The following PTPRK variants were observed in gnomAD, a reference collection of about 807,000 sequenced individuals.
The protein encoded by PTPRK is receptor-type tyrosine-protein phosphatase kappa.
PTPRK carries 75 observed loss-of-function variants against 178.0 expected under a neutral mutation model. That is an observed-to-expected ratio of 0.42 (90% confidence interval 0.35 to 0.51). The LOEUF (loss-of-function observed/expected upper bound fraction) is 0.51, where lower values mean the gene tolerates loss of function less well. Ranked by LOEUF, PTPRK falls within the 20% of genes least tolerant of loss-of-function variation. The pLI, the probability that PTPRK is intolerant of heterozygous loss-of-function variation, is 0.02. For missense variants in PTPRK, 1,441 were observed against 1,797.8 expected (o/e 0.80, Z 3.59); for synonymous variants, 637 against 620.6 (o/e 1.03, Z -0.39).
At chr6:128,012,081 T>C (rs1379607145) in intron 13 of PTPRK, among the ~76,000 whole-genome samples, 1 of 151,298 alleles carries the variant, frequency 6.6e-6, no homozygotes, top group African/African-American at 2.4e-5. Flanking sequence ...AACTTAAGTA[T>C]AGAAGTCTAA....
chr6:128,041,854 G>A lies in PTPRK; in HGVS notation c.2194+22904C>T, dbSNP rs551013670. ...TGTAATACACATTTGTGTGTTGTCT[G>A]TGTATATATAGCTATATATATAGTT... is the stretch of plus-strand genomic sequence containing the variant. On this transcript the variant is annotated intron_variant, in intron 13 of 29. Coordinates refer to ENST00000368226, the MANE Select transcript of PTPRK (RefSeq NM_002844.4). Among the ~76,000 whole-genome samples the A allele has an allele frequency of 4.7e-5, 7 of 150,048 alleles. No homozygotes were observed. In the South Asian group the frequency reaches 1.3e-3, roughly 27 times the overall value.
chr6:128,296,326 C>G (rs546783658), intron 3 of PTPRK, among the ~76,000 whole-genome samples: 2 of 152,238 alleles, frequency 1.3e-5, no homozygotes, highest in Admixed American at 6.5e-5. Flanking sequence ...CTACTCAATT[C>G]CAACCTAGCA....
chr6:128,513,513 GAAAT>G (rs1393462558), intron 1 of PTPRK, among the ~76,000 whole-genome samples: 5 of 149,272 alleles, frequency 3.3e-5, no homozygotes, highest in South Asian at 2.1e-4. Flanking sequence ...AAGAAAGAAA[GAAAT>G]AAAGAAAAAG....
chr6:128,186,763 T>C (rs1259936420), intron 6 of PTPRK, among the ~76,000 whole-genome samples: 2 of 152,112 alleles, frequency 1.3e-5, no homozygotes, highest in Admixed American at 6.6e-5. Flanking sequence ...AAAAAGTTTT[T>C]GTAGAGAGGG....
At chr6:128,119,585 G>C (rs1792121698) in intron 7 of PTPRK, among the ~76,000 whole-genome samples, 1 of 151,972 alleles carries the variant, frequency 6.6e-6, no homozygotes, top group African/African-American at 2.4e-5. Context: ...AGTTGTCTCT[G>C]ATAAAATAAT....
chr6:128,229,414 T>A (rs1811929157), intron 5 of PTPRK, among the ~76,000 whole-genome samples: 1 of 152,182 alleles, frequency 6.6e-6, no homozygotes, highest in African/African-American at 2.4e-5. Context: ...CCCTATGAAC[T>A]CATTAGGTAT....
chr6:128,003,329 A>G (rs1244588539), intron 15 of PTPRK: 2 of 1,189,582 alleles, frequency 1.7e-6, no homozygotes, highest in Non-Finnish European at 2.4e-6. Context: ...CTTAAGAAAT[A>G]TAATTATTAA....
chr6:128,485,007 G>A (rs1344531250), intron 1 of PTPRK, among the ~76,000 whole-genome samples: 3 of 152,084 alleles, frequency 2.0e-5, no homozygotes, highest in Non-Finnish European at 4.4e-5. Context: ...ATTAGACTGA[G>A]GTCTCTGAAC....
chr6:128,152,380 A>G (rs918711807), intron 7 of PTPRK, among the ~76,000 whole-genome samples: 1 of 152,022 alleles, frequency 6.6e-6, no homozygotes, highest in Admixed American at 6.6e-5. Context: ...TTCAGGTCAC[A>G]TTGATTGTGG....
At chr6:128,306,189 A>G (rs376631583) in intron 3 of PTPRK, among the ~76,000 whole-genome samples, 2 of 152,350 alleles carry the variant, frequency 1.3e-5, no homozygotes, top group East Asian at 1.9e-4. Flanking sequence ...GCCTAACCAT[A>G]CCAGGGAATA....
In PTPRK at chr6:128,023,599, A is replaced by T. The variant is rs78470033; in HGVS notation, c.2195-14331T>A. ...AAACAATATGATTAAAACAAAAAAA[A>T]CCAAACTATCATTTCTCACCTAGAC... On this transcript the variant is annotated intron_variant, in intron 13 of 29. Coordinates refer to ENST00000368226, the MANE Select transcript of PTPRK (RefSeq NM_002844.4). 7.5e-3 allele frequency among the ~76,000 whole-genome samples: 1,139 copies of T among 152,266 alleles called. 94 individuals are homozygous for T. In the South Asian group the frequency reaches 0.15, roughly 21 times the overall value.
chr6:128,421,373 A>T (rs1843458172), intron 1 of PTPRK, among the ~76,000 whole-genome samples: 1 of 152,230 alleles, frequency 6.6e-6, no homozygotes, highest in South Asian at 2.1e-4. Flanking sequence ...AATATTTTTA[A>T]GAACATCGGT....
chr6:128,334,368 C>T (rs1008611532), intron 2 of PTPRK, among the ~76,000 whole-genome samples: 2 of 152,170 alleles, frequency 1.3e-5, no homozygotes, highest in Admixed American at 1.3e-4. Context: ...TTCCTTCCAA[C>T]TCAACTAGTC....
rs368485192 is a variant in PTPRK, at chr6:128,458,388, G to C, written c.101-60700C>G. 1.1e-3 allele frequency among the ~76,000 whole-genome samples: 170 copies of C among 152,240 alleles called. 5 individuals carry two copies. The South Asian group carries it at 0.034, about 30-fold the overall frequency. On this transcript the variant is annotated intron_variant, in intron 1 of 29. Transcript: ENST00000368226. ...ATAAAAAGATGACACTCTCCTTACA[G>C]ATATGAGTATGCAGTCATAAATACA...
chr6:128,027,120 C>T (rs894466690), intron 13 of PTPRK, among the ~76,000 whole-genome samples: 2 of 152,118 alleles, frequency 1.3e-5, no homozygotes, highest in Non-Finnish European at 2.9e-5. Flanking sequence ...ATGTACATAC[C>T]TAACACACAC....
chr6:127,983,159 G>C (rs929840328), intron 23 of PTPRK, 83 bp downstream of exon 23: 6 of 1,348,036 alleles, frequency 4.5e-6, no homozygotes, highest in Middle Eastern at 1.9e-4. Flanking sequence ...CGGTTGAGTA[G>C]AGTATATATG....
intron 7 of PTPRK, among the ~76,000 whole-genome samples, chr6:128,147,801 T>A (rs1468572795): frequency 6.6e-6 from 1 of 152,144 alleles, no homozygotes. Context: ...AAATAAAGTA[T>A]CTGATGGACC....
chr6:128,471,277 C>T (rs1352561777), intron 1 of PTPRK, among the ~76,000 whole-genome samples: 1 of 151,928 alleles, frequency 6.6e-6, no homozygotes, highest in Non-Finnish European at 1.5e-5. Flanking sequence ...GATATAAGTA[C>T]TGTGAGATTC....
chr6:128,161,663 T>A (rs2114607524), intron 7 of PTPRK, among the ~76,000 whole-genome samples: 1 of 151,722 alleles, frequency 6.6e-6, no homozygotes, highest in South Asian at 2.1e-4. Flanking sequence ...CAAGGGTATA[T>A]GTGGGTGCTG....
Sources: allele counts gnomAD v4.1 joint callset (sites outside exome capture counted in the v4.1 genomes callset), GRCh38; gene constraint gnomAD v4.1.1; transcripts MANE v1.5; gene names NCBI Gene and HGNC (gene_info 2026-07-23, HGNC 2026-07-21).